CNTNAP4: variants seen among roughly 807,000 people sequenced by gnomAD.
CNTNAP4 encodes the protein contactin associated protein family member 4.
Under a neutral mutation model 148.4 loss-of-function variants are expected in CNTNAP4, and 98 were observed. The ratio of observed to expected loss-of-function variants is 0.66; its 90% CI spans 0.56 to 0.78. The LOEUF is 0.78. CNTNAP4 is among the 30% of genes least tolerant of loss of function. The pLI, the probability that CNTNAP4 is intolerant of heterozygous loss-of-function variation, is 0.00. For synonymous variants in CNTNAP4, 730 were observed against 565.1 expected, an observed-to-expected ratio of 1.29 and a Z score of -4.14; for missense variants, 1,935 against 1,565.6, an observed-to-expected ratio of 1.24 and a Z score of -3.98.
At chr16:76,462,225 C>A in intron 9 of CNTNAP4, 120 bp downstream of exon 9, 1 of 928,714 alleles carries the variant, frequency 1.1e-6, no homozygotes, top group Non-Finnish European at 1.6e-6. Context: ...TTTTCACTGT[C>A]TTTGATCACG....
intron 3 of CNTNAP4, among the ~76,000 whole-genome samples, chr16:76,397,954 A>G (rs1190542358): frequency 0.019 from 172 of 8,854 alleles, 9 homozygotes; most frequent in African/African-American, 0.079. Context: ...ACATATATAT[A>G]TATATATATA....
chr16:76,347,464 C>T lies in CNTNAP4; in HGVS notation c.197-7854C>T, dbSNP rs1965004595. On this transcript the variant is annotated intron_variant, in intron 2 of 23. Coordinates refer to ENST00000611870, the MANE Select transcript of CNTNAP4 (RefSeq NM_033401.5). Reference sequence around the variant, plus strand: ...AGCTTGTATTCTAATAAATATAATACATAAACACTAAAGATACTACATAAA... The same window carrying T: ...AGCTTGTATTCTAATAAATATAATATATAAACACTAAAGATACTACATAAA... 2.6e-5 allele frequency among the ~76,000 whole-genome samples: 4 copies of T among 151,946 alleles called. No homozygotes were observed. In the South Asian group the frequency reaches 6.2e-4, roughly 24 times the overall value.
In CNTNAP4 at chr16:76,377,025, C is replaced by T. The variant is rs143631288; in HGVS notation, c.390+21514C>T. ...ATTTTAAGGAGTTGGCTCGTGCAAT[C>T]GACAGGCTTGGCAAGTCCAAAATCT... On this transcript the variant is annotated intron_variant, in intron 3 of 23. Transcript: ENST00000611870. Among the ~76,000 whole-genome samples the T allele has an allele frequency of 8.0e-3, 1,214 of 151,034 alleles. 21 individuals carry two copies. The highest frequency in any genetic ancestry group is 0.028 in the African/African-American group (1,153 of 41,096).
At chr16:76,400,753 T>A (rs2078380141) in intron 3 of CNTNAP4, among the ~76,000 whole-genome samples, 1 of 152,162 alleles carries the variant, frequency 6.6e-6, no homozygotes, top group African/African-American at 2.4e-5. Context: ...GGTTTTCTAC[T>A]TATGGCTAGC....
intron 4 of CNTNAP4, among the ~76,000 whole-genome samples, chr16:76,428,081 T>C (rs141609282): frequency 2.6e-4 from 39 of 152,260 alleles, no homozygotes; most frequent in African/African-American, 8.9e-4. Context: ...CAGTATAAAT[T>C]AATAGAAAAA....
intron 8 of CNTNAP4, among the ~76,000 whole-genome samples, chr16:76,455,017 G>T (rs1008637830): frequency 3.3e-5 from 5 of 152,124 alleles, no homozygotes; most frequent in Admixed American, 3.3e-4. Flanking sequence ...TTAATATGAT[G>T]TACAGTTTTG....
chr16:76,455,875 T>A (rs1333707420), intron 8 of CNTNAP4, among the ~76,000 whole-genome samples: 1 of 152,212 alleles, frequency 6.6e-6, no homozygotes, highest in Non-Finnish European at 1.5e-5. Context: ...AACTAAGCTC[T>A]CATGTTTCTG....
At chr16:76,348,188 C>CTT (rs751099156) in intron 2 of CNTNAP4, among the ~76,000 whole-genome samples, 4 of 136,246 alleles carry the variant, frequency 2.9e-5, no homozygotes, top group Admixed American at 7.4e-5. Context: ...AAGCGTGACT[C>CTT]TTTTTTTTTT....
intron 1 of CNTNAP4, among the ~76,000 whole-genome samples, chr16:76,293,362 G>A (rs1008712293): frequency 3.3e-5 from 5 of 151,898 alleles, no homozygotes; most frequent in African/African-American, 7.2e-5. Flanking sequence ...TCGTGATCTC[G>A]TTTTTCACTA....
chr16:76,300,813 C>T (rs928878171), intron 1 of CNTNAP4, among the ~76,000 whole-genome samples: 37 of 152,022 alleles, frequency 2.4e-4, no homozygotes, highest in Non-Finnish European at 2.2e-4. Flanking sequence ...ATGTCTTCAT[C>T]GATAAACATG....
chr16:76,419,173 G>T (rs4243115), intron 3 of CNTNAP4, among the ~76,000 whole-genome samples: 63,629 of 151,648 alleles, frequency 0.42, 13,740 homozygotes, highest in African/African-American at 0.51. Context: ...GCCAGCTACT[G>T]TCTTTCCTGG....
intron 17 of CNTNAP4, among the ~76,000 whole-genome samples, chr16:76,527,244 T>G (rs867869718): frequency 6.6e-5 from 10 of 152,138 alleles, no homozygotes; most frequent in Non-Finnish European, 1.2e-4. Context: ...TTCCAGCACA[T>G]GTCATATGTA....
chr16:76,296,396 A>G (rs1030881436), intron 1 of CNTNAP4, among the ~76,000 whole-genome samples: 2 of 152,176 alleles, frequency 1.3e-5, no homozygotes, highest in Non-Finnish European at 2.9e-5. Flanking sequence ...CCTATAGCTG[A>G]GTTATTTCAA....
intron 6 of CNTNAP4, among the ~76,000 whole-genome samples, chr16:76,449,258 A>G (rs1280731579): frequency 3.9e-5 from 6 of 152,204 alleles, no homozygotes; most frequent in Non-Finnish European, 7.3e-5. Flanking sequence ...ACAAGCAAAT[A>G]TAGGATGTTT....
rs575788276 is a variant in CNTNAP4, at chr16:76,362,611, G to T, written c.390+7100G>T. On this transcript the variant is annotated intron_variant, in intron 3 of 23. Transcript: ENST00000611870. ...TCCAGAAATAAACCCATACATCTAT[G>T]GTCTACTGATCTTTCACAAGGGTGT... is the stretch of plus-strand genomic sequence containing the variant. Among the ~76,000 whole-genome samples, 37 of 152,236 alleles carry T rather than the reference G, an allele frequency of 2.4e-4. No individual in the cohort carries two copies. The South Asian group carries it at 2.7e-3, about 11-fold the overall frequency.
At chr16:76,489,624 A>G in intron 12 of CNTNAP4, 62 bp from the exon 13 acceptor site, 1 of 910,154 alleles carries the variant, frequency 1.1e-6, no homozygotes, top group Non-Finnish European at 1.5e-6. Context: ...TTCTTTATTT[A>G]TTTTAACTTT....
In CNTNAP4 at chr16:76,309,759, G is replaced by A. The variant is rs922757744; in HGVS notation, c.86-6654G>A. On this transcript the variant is annotated intron_variant, in intron 1 of 23. Coordinates refer to ENST00000611870, the MANE Select transcript of CNTNAP4 (RefSeq NM_033401.5). ...ATTGAATTGGGGTTTGGGCGGAGGG[G>A]GTGGTCCGGGCTTTCCCGTGCTATT... The A allele has an allele frequency of 4.4e-6, 3 of 676,364 alleles. No homozygotes were observed. The African/African-American group carries it at 5.3e-5, about 12-fold the overall frequency. 41.9% of individuals were successfully genotyped at this position (676,364 alleles called of 1,614,324 possible).
intron 4 of CNTNAP4, among the ~76,000 whole-genome samples, chr16:76,443,611 G>T (rs1334809508): frequency 6.6e-6 from 1 of 151,928 alleles, no homozygotes; most frequent in Admixed American, 6.6e-5. Context: ...TTTCCCAAAG[G>T]TATTTACAAA....
chr16:76,540,115 G>GT (rs146231117), intron 20 of CNTNAP4, among the ~76,000 whole-genome samples: 1,869 of 152,160 alleles, frequency 0.012, 51 homozygotes, highest in African/African-American at 0.042. Context: ...TGTGCTACTG[G>GT]TAGGACCATT....
Sources: gnomAD v4.1 joint callset for allele counts (sites outside exome capture counted in the v4.1 genomes callset) on GRCh38, gnomAD v4.1.1 for gene constraint, MANE v1.5 for transcripts, NCBI Gene and HGNC (gene_info 2026-07-23, HGNC 2026-07-21) for gene names.